EWSR1: variants seen among roughly 807,000 people sequenced by gnomAD.
The protein encoded by EWSR1 is RNA-binding protein EWS.
In EWSR1, 14 loss-of-function variants were observed where a neutral mutation model predicts 92.1. That is an observed-to-expected ratio of 0.15 (90% CI 0.10 to 0.24). The LOEUF is 0.24. EWSR1 is among the 10% of genes least tolerant of loss of function. EWSR1 has a pLI of 1.00. For missense variants in EWSR1, 637 were observed against 870.9 expected, an observed-to-expected ratio of 0.73 and a Z score of 3.38; for synonymous variants, 303 against 292.9, an observed-to-expected ratio of 1.03 and a Z score of -0.35.
At chr22:29,280,505 C>T (rs569165766) in intron 5 of EWSR1, among the ~76,000 whole-genome samples, 1 of 152,296 alleles carries the variant, frequency 6.6e-6, no homozygotes, top group East Asian at 1.9e-4. Context: ...TAATTTTCGT[C>T]ATTTAACAGG....
At chr22:29,270,834 G>A (rs895904152) in intron 1 of EWSR1, among the ~76,000 whole-genome samples, 5 of 151,836 alleles carry the variant, frequency 3.3e-5, no homozygotes, top group African/African-American at 1.2e-4. Flanking sequence ...GTCAGAGAGA[G>A]TATGACTTGT....
At chr22:29,290,502 AG>A in intron 8 of EWSR1, 1 of 1,613,112 alleles carries the variant, frequency 6.2e-7, no homozygotes. Flanking sequence ...AAGTGGGACT[AG>A]ACACGGTGTC....
intron 3 of EWSR1, among the ~76,000 whole-genome samples, chr22:29,273,438 A>G (rs1188655819): frequency 3.9e-5 from 6 of 152,128 alleles, no homozygotes; most frequent in Non-Finnish European, 4.4e-5. Context: ...AATCTCATGT[A>G]TAGTTAACTG....
At position 29,281,770 on chromosome 22, in the gene EWSR1, A is replaced by G. The variant is rs543139799; in HGVS notation, c.414-620A>G. ...TAATTTTTTTTTTTGTATTTTTAGT[A>G]GAGACAGGGTTTCACTGTCTTAGCC... On this transcript the variant is annotated intron_variant, in intron 5 of 16. Transcript: ENST00000397938. Among the ~76,000 whole-genome samples, 5 of 151,238 alleles carry G rather than the reference A, an allele frequency of 3.3e-5. No homozygotes were observed. In the South Asian group the frequency reaches 1.0e-3, roughly 32 times the overall value.
rs994410056 is a variant in EWSR1 at position 29,290,605 on chromosome 22, CTTG to C, written c.975-951_975-949del. ...CTTCTGTAACTTTGGTAACTGCATA[CTTG>C]TTGTTTGGTAATGAACCAGAGGAGG... is the stretch of plus-strand genomic sequence containing the variant. On this transcript the variant is annotated intron_variant, in intron 8 of 16. Coordinates refer to ENST00000397938, the MANE Select transcript of EWSR1 (RefSeq NM_005243.4). The C allele has an allele frequency of 2.5e-4, 377 of 1,492,792 alleles. 2 individuals are homozygous for C. Among genetic ancestry groups the C allele is most frequent in the Middle Eastern group, 2.2e-4 (1 of 4,610 alleles). The allele number at this position is 1,492,792 out of a possible 1,614,324, so 92.5% of individuals were successfully genotyped here.
intron 12 of EWSR1, among the ~76,000 whole-genome samples, chr22:29,296,818 A>C (rs1451076819): frequency 6.6e-6 from 1 of 152,172 alleles, no homozygotes; most frequent in Non-Finnish European, 1.5e-5. Context: ...ACATCGGTGC[A>C]TTGCTTGAAT....
At chr22:29,290,370 G>C (rs752928831) in intron 8 of EWSR1, 1 of 1,573,706 alleles carries the variant, frequency 6.4e-7, no homozygotes, top group East Asian at 2.3e-5. Context: ...GCTGTTAAAC[G>C]TGGAAACTTT....
chr22:29,274,463 A>G (rs1037851304), intron 4 of EWSR1: 1 of 585,704 alleles, frequency 1.7e-6, no homozygotes, highest in Admixed American at 3.0e-5. Flanking sequence ...TATTCTTTAT[A>G]TGATTTTGGG....
In EWSR1 at chr22:29,268,459, G is replaced by A. The variant is rs147483212; in HGVS notation, c.13+110G>A. On this transcript the variant is annotated intron_variant, in intron 1 of 16. Coordinates refer to ENST00000397938, the MANE Select transcript of EWSR1 (RefSeq NM_005243.4). ...GACTGAGTGGAGTTGCCGAGAGGGG[G>A]TTGAGGCACCCGCCGCGGCCCGACG... The A allele has an allele frequency of 8.2e-4, 1,292 of 1,581,676 alleles. 11 individuals carry two copies. In the East Asian group the frequency reaches 0.013, roughly 15 times the overall value.
At chr22:29,299,573 C>T in intron 15 of EWSR1, 26 bp from the exon 16 acceptor site, 6 of 1,563,004 alleles carry the variant, frequency 3.8e-6, no homozygotes, top group Non-Finnish European at 4.3e-6. Flanking sequence ...CCACTGACTG[C>T]TTTCGCCCTG....
At position 29,298,722 on chromosome 22, in the gene EWSR1, TCTTGTTGTA is replaced by T. The variant is rs758409391; in HGVS notation, c.1418-10_1418-2del. Reference sequence around the variant, plus strand: ...GAAATGATTTGCTGTTTCTTGTTGTTCTTGTTGTAGGTCCAGGAGGCCCAGGAGGTCCTG... The same window carrying T: ...GAAATGATTTGCTGTTTCTTGTTGTTGGTCCAGGAGGCCCAGGAGGTCCTG... On this transcript the variant is annotated splice_acceptor_variant and splice_polypyrimidine_tract_variant and intron_variant, in intron 13 of 16. Coordinates refer to ENST00000397938, the MANE Select transcript of EWSR1 (RefSeq NM_005243.4). LOFTEE classifies it high-confidence loss of function. 1.2e-5 allele frequency: 19 copies of T among 1,612,824 alleles called. No individual in the cohort carries two copies. Among genetic ancestry groups the T allele is most frequent in the Non-Finnish European group, 1.6e-5 (19 of 1,179,820 alleles).
chr22:29,277,472 T>C, intron 4 of EWSR1: 1 of 226,564 alleles, frequency 4.4e-6, no homozygotes. Context: ...ATTAAGCTTG[T>C]GCTTCACATG....
chr22:29,299,980 GGCACC>G, intron 16 of EWSR1, 129 bp downstream of exon 16: 6 of 1,431,652 alleles, frequency 4.2e-6, no homozygotes, highest in South Asian at 1.3e-5. Flanking sequence ...GCCAGGAAGG[GGCACC>G]TGGGGGCTCT....
chr22:29,299,967 GGA>G, intron 16 of EWSR1, 116 bp downstream of exon 16: 1 of 1,515,708 alleles, frequency 6.6e-7, no homozygotes. Context: ...GTGGTTGGGA[GGA>G]GCCAGGAAGG....
At chr22:29,269,679 C>A (rs984698831) in intron 1 of EWSR1, 3 of 152,080 alleles carry the variant, frequency 2.0e-5, no homozygotes, top group African/African-American at 7.3e-5. Context: ...GTTGGCTGTT[C>A]GTGCCGGGAT....
chr22:29,299,361 A>T, intron 15 of EWSR1, 30 bp downstream of exon 15: 1 of 1,601,242 alleles, frequency 6.2e-7, no homozygotes, highest in Non-Finnish European at 8.5e-7. Context: ...GTGTCCCCTC[A>T]GCTTCCTGGT....
At chr22:29,274,418 A>T in intron 4 of EWSR1, 1 of 928,780 alleles carries the variant, frequency 1.1e-6, no homozygotes, top group Non-Finnish European at 1.7e-6. Flanking sequence ...TGCTAATGAA[A>T]AACTGCTTCA....
At position 29,279,866 on chromosome 22, in the gene EWSR1, C is replaced by T. The variant is rs141865449; in HGVS notation, c.413+1650C>T. Among the ~76,000 whole-genome samples the T allele has an allele frequency of 6.3e-3, 964 of 152,268 alleles. 5 individuals carry two copies. Among genetic ancestry groups the T allele is most frequent in the Middle Eastern group, 0.01 (3 of 294 alleles). ...TGAAGTCCCATTTGATACTCTGATG[C>T]AACAGTATATCCAAGCCATATCTGG... On this transcript the variant is annotated intron_variant, in intron 5 of 16. Transcript: ENST00000397938.
intron 5 of EWSR1, among the ~76,000 whole-genome samples, chr22:29,279,775 C>CA (rs2059416352): frequency 1.3e-5 from 2 of 152,200 alleles, no homozygotes; most frequent in African/African-American, 4.8e-5. Flanking sequence ...ACCACCTTTG[C>CA]AGTAGCTAAG....
Sources: gnomAD v4.1 joint callset for allele counts (sites outside exome capture counted in the v4.1 genomes callset) on GRCh38, gnomAD v4.1.1 for gene constraint, MANE v1.5 for transcripts, NCBI Gene and HGNC (gene_info 2026-07-23, HGNC 2026-07-21) for gene names.